The following CNNM2 variants were observed in gnomAD, a reference collection of about 807,000 sequenced individuals.
CNNM2 encodes cyclin and CBS domain divalent metal cation transport mediator 2.
CNNM2 carries 12 observed loss-of-function variants against 66.9 expected under a neutral mutation model. The ratio of observed to expected loss-of-function variants is 0.18; its 90% CI spans 0.11 to 0.29. The LOEUF is 0.29. Among genes scored for constraint, CNNM2 ranks in the 10% least tolerant of loss-of-function variants. CNNM2 has a pLI of 1.00. For missense variants in CNNM2, 705 were observed against 1,167.7 expected (o/e 0.60, Z 5.77); for synonymous variants, 557 against 501.8 (o/e 1.11, Z -1.47).
intron 1 of CNNM2, among the ~76,000 whole-genome samples, chr10:102,934,571 G>A (rs973196549): frequency 7.9e-5 from 12 of 152,072 alleles, no homozygotes; most frequent in Non-Finnish European, 1.3e-4. Flanking sequence ...ATGAGCCACC[G>A]CGCCCAGCCT....
intron 1 of CNNM2, among the ~76,000 whole-genome samples, chr10:102,953,513 C>T (rs1846917139): frequency 6.6e-6 from 1 of 152,082 alleles, no homozygotes; most frequent in Non-Finnish European, 1.5e-5. Flanking sequence ...CCACCTGCCT[C>T]GGCCTCCCAA....
At chr10:102,993,897 G>C (rs1414409679) in intron 1 of CNNM2, among the ~76,000 whole-genome samples, 4 of 152,056 alleles carry the variant, frequency 2.6e-5, no homozygotes, top group African/African-American at 4.8e-5. Context: ...TCCTAAAGGG[G>C]CATCCCTTTG....
intron 1 of CNNM2, among the ~76,000 whole-genome samples, chr10:102,925,191 G>A (rs144667747): frequency 0.016 from 2,402 of 150,692 alleles, 57 homozygotes; most frequent in African/African-American, 0.056. Context: ...AACTACTCGG[G>A]AGGCTGAGGC....
chr10:103,076,014 T>C (rs2065683990), intron 6 of CNNM2, 72 bp from the exon 7 acceptor site: 1 of 1,382,522 alleles, frequency 7.2e-7, no homozygotes, highest in South Asian at 1.4e-5. Context: ...TATTTTTTAT[T>C]TTGGAAAATA....
intron 1 of CNNM2, among the ~76,000 whole-genome samples, chr10:102,956,030 G>A (rs1262306851): frequency 5.3e-5 from 8 of 152,198 alleles, no homozygotes; most frequent in African/African-American, 1.9e-4. Context: ...GCTCACGCCT[G>A]TAATCCCAGC....
At chr10:103,037,943 G>T (rs989231618) in intron 1 of CNNM2, among the ~76,000 whole-genome samples, 4 of 151,930 alleles carry the variant, frequency 2.6e-5, no homozygotes, top group African/African-American at 9.7e-5. Context: ...GGGTTCAAGC[G>T]ATTCTCCTGC....
intron 1 of CNNM2, among the ~76,000 whole-genome samples, chr10:102,940,644 TC>T (rs1846398487): frequency 1.3e-5 from 2 of 151,246 alleles, no homozygotes; most frequent in South Asian, 4.2e-4. Flanking sequence ...GGTCTTGATC[TC>T]CTGACCTCGT....
At chr10:102,952,499 G>A (rs571863348) in intron 1 of CNNM2, among the ~76,000 whole-genome samples, 1 of 152,180 alleles carries the variant, frequency 6.6e-6, no homozygotes, top group African/African-American at 2.4e-5. Context: ...GGGAGGCGGA[G>A]CTTGCAGTGA....
intron 1 of CNNM2, among the ~76,000 whole-genome samples, chr10:102,980,615 T>A (rs1486457310): frequency 6.6e-6 from 1 of 152,104 alleles, no homozygotes; most frequent in African/African-American, 2.4e-5. Context: ...AGATAAGGAC[T>A]TTCCTTTTCT....
Position 103,056,884 on chromosome 10 carries a change from G to C in CNNM2, c.1993G>C (p.Asp665His). ...CAATGTCATCCAGGAACTGAAATATGATGAGAAGAACAAGAAAGCCCCCGA... is the reference window on the plus strand; with the variant it reads ...CAATGTCATCCAGGAACTGAAATATCATGAGAAGAACAAGAAAGCCCCCGA... ...HPNVIQELKY[D>H]EKNKKAPEYY... The change falls in exon 4 of 8, where the codon GAT becomes CAT. Residue 665 changes from aspartate to histidine, a missense_variant. This residue lies in a region of CNNM2 where 171 missense variants were observed against 304.8 expected (regional missense o/e 0.56). Coordinates refer to ENST00000369878, the MANE Select transcript of CNNM2 (RefSeq NM_017649.5). 6.2e-7 allele frequency: 1 copy of C among 1,613,934 alleles called. No individual in the cohort carries two copies. The highest frequency in any genetic ancestry group is 1.1e-5 in the South Asian group (1 of 91,078).
Position 102,951,459 on chromosome 10 carries a change from A to T in CNNM2, c.1621+31358A>T, listed in dbSNP as rs577116044. 1.2e-4 allele frequency among the ~76,000 whole-genome samples: 18 copies of T among 152,158 alleles called. No individual in the cohort carries two copies. The South Asian group carries it at 2.7e-3, about 23-fold the overall frequency. ...TGATCTGCCTGCTTTGGCCTCCCAAAGTGCTGGGATTATGGGGATGAGCCA... is the reference window on the plus strand; with the variant it reads ...TGATCTGCCTGCTTTGGCCTCCCAATGTGCTGGGATTATGGGGATGAGCCA... On this transcript the variant is annotated intron_variant, in intron 1 of 7. Transcript: ENST00000369878.
chr10:103,071,899 G>T, intron 6 of CNNM2, 60 bp downstream of exon 6: 2 of 1,482,492 alleles, frequency 1.3e-6, no homozygotes, highest in Non-Finnish European at 1.9e-6. Context: ...CCCCCATCAC[G>T]CCTGGCTGGC....
intron 4 of CNNM2, among the ~76,000 whole-genome samples, chr10:103,061,089 A>G (rs1564866233): frequency 6.6e-6 from 1 of 152,184 alleles, no homozygotes; most frequent in South Asian, 2.1e-4. Flanking sequence ...AAAAAGAACA[A>G]ATTAATAAAG....
Position 103,054,242 on chromosome 10 carries a change from A to G in CNNM2, c.1766-87A>G. The stretch of plus-strand genomic sequence containing the variant: ...TCTGGAAATACAGTCCAGCTCTTCC[A>G]ATATATTTTGTCTTTTTCATTCAAA... On this transcript the variant is annotated intron_variant, in intron 2 of 7. Coordinates refer to ENST00000369878, the MANE Select transcript of CNNM2 (RefSeq NM_017649.5). This position sits in a 1 kb window ranked among gnomAD's most constrained non-coding sequence, Gnocchi z 5.2. 1 of 1,438,494 alleles carries G rather than the reference A, an allele frequency of 7.0e-7. No homozygotes were observed. The highest frequency in any genetic ancestry group is 9.5e-7 in the Non-Finnish European group (1 of 1,054,008). 89.1% of individuals were successfully genotyped at this position (1,438,494 alleles called of 1,614,324 possible).
At chr10:103,006,050 C>T (rs2064219909) in intron 1 of CNNM2, among the ~76,000 whole-genome samples, 1 of 152,154 alleles carries the variant, frequency 6.6e-6, no homozygotes, top group African/African-American at 2.4e-5. Context: ...AATATATTTC[C>T]TTTCCGAGGT....
intron 1 of CNNM2, among the ~76,000 whole-genome samples, chr10:102,956,883 AACG>A (rs1378891603): frequency 4.6e-5 from 7 of 152,126 alleles, no homozygotes; most frequent in Admixed American, 4.6e-4. Flanking sequence ...ACCTAATGTA[AACG>A]ACGAGTTAAT....
At chr10:102,982,194 G>A (rs2063730283) in intron 1 of CNNM2, among the ~76,000 whole-genome samples, 1 of 151,980 alleles carries the variant, frequency 6.6e-6, no homozygotes, top group African/African-American at 2.4e-5. Flanking sequence ...TTTTATATTA[G>A]GTAAGATTCT....
At chr10:102,959,531 C>T (rs1185617375) in intron 1 of CNNM2, among the ~76,000 whole-genome samples, 12 of 152,162 alleles carry the variant, frequency 7.9e-5, no homozygotes, top group Non-Finnish European at 1.6e-4. Context: ...TGCATAACAC[C>T]AGGAAAGTTA....
chr10:103,081,581 G>A lies in CNNM2; in HGVS notation c.*4401G>A, dbSNP rs1271339109. 6.6e-6 allele frequency: 1 copy of A among 152,160 alleles called. No homozygotes were observed. Among genetic ancestry groups the A allele is most frequent in the Non-Finnish European group, 1.5e-5 (1 of 68,040 alleles). The allele number at this position is 152,160 out of a possible 1,614,324, so 9.4% of individuals were successfully genotyped here. ...GGTGTTCAAGTTGGTTAATAGGAGA[G>A]AGACGTTCAGAGACTTCTAAGTTGA... is the stretch of plus-strand genomic sequence containing the variant. On this transcript the variant is annotated 3_prime_UTR_variant, in exon 8 of 8. Coordinates refer to ENST00000369878, the MANE Select transcript of CNNM2 (RefSeq NM_017649.5).
Sources: allele counts gnomAD v4.1 joint callset (sites outside exome capture counted in the v4.1 genomes callset), GRCh38; gene constraint gnomAD v4.1.1; regional missense constraint gnomAD v4.1.1; non-coding constraint Gnocchi (gnomAD v3.1); transcripts MANE v1.5; gene names NCBI Gene and HGNC (gene_info 2026-07-23, HGNC 2026-07-21).